Variants in CNTN5 observed in about 807,000 individuals in gnomAD.
The protein encoded by CNTN5 is contactin-5.
A neutral mutation model predicts 129.1 loss-of-function variants in CNTN5; 77 were observed. The ratio of observed to expected loss-of-function variants is 0.60; its 90% CI spans 0.50 to 0.72. CNTN5 has a LOEUF of 0.72. CNTN5 is among the 30% of genes least tolerant of loss of function. CNTN5 has a pLI of 0.00. For missense variants in CNTN5, 1,478 were observed against 1,328.8 expected (o/e 1.11, Z -1.75); for synonymous variants, 509 against 465.6 (o/e 1.09, Z -1.20).
intron 1 of CNTN5, among the ~76,000 whole-genome samples, chr11:99,107,041 C>G (rs890348347): frequency 1.3e-5 from 2 of 152,190 alleles, no homozygotes; most frequent in African/African-American, 2.4e-5. Flanking sequence ...AGGTACCTAT[C>G]CAAAATGCTA....
chr11:100,303,136 GC>G (rs1385850069), intron 20 of CNTN5, among the ~76,000 whole-genome samples: 2 of 151,468 alleles, frequency 1.3e-5, no homozygotes, highest in Non-Finnish European at 3.0e-5. Context: ...AGAGATATTT[GC>G]CTGCCAAGAT....
intron 7 of CNTN5, among the ~76,000 whole-genome samples, chr11:99,942,480 A>G (rs1385921466): frequency 6.6e-6 from 1 of 152,082 alleles, no homozygotes; most frequent in Non-Finnish European, 1.5e-5. Flanking sequence ...TGATGTATCT[A>G]CAAAATTTCA....
At chr11:99,924,380 T>G (rs149395810) in intron 7 of CNTN5, among the ~76,000 whole-genome samples, 4 of 152,306 alleles carry the variant, frequency 2.6e-5, no homozygotes, top group Non-Finnish European at 5.9e-5. Context: ...TTTGAGGTCT[T>G]ATATTTAAGT....
chr11:99,067,400 G>A (rs1250820317), intron 1 of CNTN5, among the ~76,000 whole-genome samples: 2 of 146,038 alleles, frequency 1.4e-5, no homozygotes, highest in Non-Finnish European at 3.0e-5. Flanking sequence ...ACATGTGCAA[G>A]GGAAGCAGAC....
intron 2 of CNTN5, among the ~76,000 whole-genome samples, chr11:99,367,989 A>G (rs1289860885): frequency 3.3e-5 from 5 of 152,168 alleles, no homozygotes; most frequent in Non-Finnish European, 7.3e-5. Context: ...TACCTCTGTT[A>G]AATTAAAGCT....
chr11:99,172,386 G>T (rs992870277), intron 1 of CNTN5, among the ~76,000 whole-genome samples: 1 of 152,080 alleles, frequency 6.6e-6, no homozygotes, highest in Non-Finnish European at 1.5e-5. Context: ...TAATAAGTTC[G>T]TTTAATTAAA....
intron 7 of CNTN5, among the ~76,000 whole-genome samples, chr11:99,951,366 G>A (rs540673443): frequency 6.6e-6 from 1 of 151,610 alleles, no homozygotes; most frequent in South Asian, 2.1e-4. Context: ...CCTCAACTGT[G>A]CTTTGCATAT....
chr11:100,090,109 ATCT>A (rs1458985067), intron 13 of CNTN5, among the ~76,000 whole-genome samples: 1 of 152,092 alleles, frequency 6.6e-6, no homozygotes, highest in Non-Finnish European at 1.5e-5. Context: ...AAACCATATG[ATCT>A]TCTCAATAGA....
chr11:99,947,800 T>C lies in CNTN5; in HGVS notation c.674-9006T>C, dbSNP rs80177465. 6.9e-3 allele frequency among the ~76,000 whole-genome samples: 1,048 copies of C among 152,290 alleles called. 15 individuals are homozygous for C. The highest frequency in any genetic ancestry group is 0.023 in the African/African-American group (962 of 41,572). On this transcript the variant is annotated intron_variant, in intron 7 of 24. Coordinates refer to ENST00000524871, the MANE Select transcript of CNTN5 (RefSeq NM_014361.4). ...GTTTCTGTTAGTATTCAGACTGCAATAAATCTTCAAATTTTCACCATAAAA... is the reference window on the plus strand; with the variant it reads ...GTTTCTGTTAGTATTCAGACTGCAACAAATCTTCAAATTTTCACCATAAAA...
intron 3 of CNTN5, among the ~76,000 whole-genome samples, chr11:99,807,189 A>T (rs1388645161): frequency 6.6e-6 from 1 of 152,208 alleles, no homozygotes; most frequent in East Asian, 1.9e-4. Context: ...CATCTAATAA[A>T]ATGGTATGCA....
intron 2 of CNTN5, among the ~76,000 whole-genome samples, chr11:99,390,471 TATA>T (rs1475803052): frequency 6.6e-6 from 1 of 152,192 alleles, no homozygotes; most frequent in African/African-American, 2.4e-5. Flanking sequence ...ATCTTTACCT[TATA>T]ATAAGTTGAT....
At chr11:100,273,491 C>A (rs761076227) in intron 18 of CNTN5, among the ~76,000 whole-genome samples, 1 of 152,154 alleles carries the variant, frequency 6.6e-6, no homozygotes, top group Admixed American at 6.5e-5. Context: ...AGTACCCCAC[C>A]CTTGCTTTAA....
chr11:99,926,675 A>C (rs1950070123), intron 7 of CNTN5, among the ~76,000 whole-genome samples: 4 of 152,152 alleles, frequency 2.6e-5, no homozygotes, highest in Admixed American at 2.0e-4. Flanking sequence ...CCACAAACAC[A>C]AAAAGTAATT....
chr11:99,161,941 T>TCC (rs2135516147), intron 1 of CNTN5, among the ~76,000 whole-genome samples: 1 of 152,304 alleles, frequency 6.6e-6, no homozygotes, highest in East Asian at 1.9e-4. Context: ...TCAAGCACCA[T>TCC]TGTTTCTATG....
At chr11:100,198,404 A>C (rs1939711) in intron 15 of CNTN5, among the ~76,000 whole-genome samples, 10,566 of 132,878 alleles carry the variant, frequency 0.08, 402 homozygotes, top group Non-Finnish European at 0.096. Flanking sequence ...TACTGTATGT[A>C]TGTCTGTCTA....
chr11:99,536,148 G>A (rs183576339), intron 2 of CNTN5, among the ~76,000 whole-genome samples: 10 of 152,172 alleles, frequency 6.6e-5, no homozygotes, highest in African/African-American at 1.9e-4. Context: ...CAGAAGCTAA[G>A]TATTTAAAAG....
intron 3 of CNTN5, among the ~76,000 whole-genome samples, chr11:99,618,670 C>T (rs1950834548): frequency 6.6e-6 from 1 of 152,070 alleles, no homozygotes; most frequent in Non-Finnish European, 1.5e-5. Context: ...AATACATGGA[C>T]AATAAATAAG....
chr11:100,321,695 C>T (rs964315385), intron 21 of CNTN5, among the ~76,000 whole-genome samples: 3 of 152,086 alleles, frequency 2.0e-5, no homozygotes, highest in South Asian at 2.1e-4. Context: ...TTGTTATTTA[C>T]GGCCTTTATT....
intron 3 of CNTN5, among the ~76,000 whole-genome samples, chr11:99,591,521 G>T (rs1281598175): frequency 6.6e-6 from 1 of 151,696 alleles, no homozygotes; most frequent in South Asian, 2.1e-4. Flanking sequence ...TGTATTTTTA[G>T]TAGAGATGGG....
Sources: allele counts gnomAD v4.1 joint callset (sites outside exome capture counted in the v4.1 genomes callset), GRCh38; gene constraint gnomAD v4.1.1; transcripts MANE v1.5; gene names NCBI Gene and HGNC (gene_info 2026-07-23, HGNC 2026-07-21).